The following POT1 variants were observed in gnomAD, a reference collection of about 807,000 sequenced individuals.
The protein encoded by POT1 is protection of telomeres protein 1.
A neutral mutation model predicts 78.5 loss-of-function variants in POT1; 47 were observed. The ratio of observed to expected loss-of-function variants is 0.60; its 90% CI spans 0.47 to 0.76. POT1 has a LOEUF of 0.76. Ranked by LOEUF, POT1 falls within the 30% of genes least tolerant of loss-of-function variation. The probability of loss-of-function intolerance (pLI) is 0.00; values close to 1 mark genes in which losing one functional copy is unlikely to be tolerated. For missense variants in POT1, 646 were observed against 749.9 expected, an observed-to-expected ratio of 0.86 and a Z score of 1.62; for synonymous variants, 259 against 260.7, an observed-to-expected ratio of 0.99 and a Z score of 0.06.
At chr7:124,833,304 G>C (rs1264456765) in intron 15 of POT1, among the ~76,000 whole-genome samples, 1 of 152,102 alleles carries the variant, frequency 6.6e-6, no homozygotes, top group Non-Finnish European at 1.5e-5. Flanking sequence ...CACACAATTA[G>C]GGAGGTATCA....
chr7:124,839,472 T>A (rs1193407156), intron 14 of POT1, among the ~76,000 whole-genome samples: 1 of 152,236 alleles, frequency 6.6e-6, no homozygotes, highest in Admixed American at 6.5e-5. Context: ...AGTCTAAGAA[T>A]GACTTTGTAT....
intron 2 of POT1, among the ~76,000 whole-genome samples, chr7:124,926,443 T>C (rs947004302): frequency 6.6e-6 from 1 of 152,052 alleles, no homozygotes; most frequent in Non-Finnish European, 1.5e-5. Context: ...AAACAGACAT[T>C]GGGGTGCAAA....
At chr7:124,837,433 T>G (rs1794925354) in intron 14 of POT1, among the ~76,000 whole-genome samples, 1 of 152,078 alleles carries the variant, frequency 6.6e-6, no homozygotes, top group African/African-American at 2.4e-5. Context: ...TAATAATAAA[T>G]AAATATTATA....
chr7:124,855,218 C>CAAAAAAAA (rs550056711), intron 9 of POT1, among the ~76,000 whole-genome samples: 1 of 52,492 alleles, frequency 1.9e-5, no homozygotes, highest in Non-Finnish European at 3.4e-5. Context: ...GAGAGGAGAG[C>CAAAAAAAA]AAAAAAAAAA....
intron 11 of POT1, among the ~76,000 whole-genome samples, chr7:124,850,706 T>C (rs1047493714): frequency 6.6e-6 from 1 of 151,666 alleles, no homozygotes; most frequent in Non-Finnish European, 1.5e-5. Flanking sequence ...CACTCCAGCC[T>C]GGGAGACAGA....
At chr7:124,911,122 T>C (rs139568419) in intron 3 of POT1, among the ~76,000 whole-genome samples, 1 of 152,228 alleles carries the variant, frequency 6.6e-6, no homozygotes, top group East Asian at 1.9e-4. Context: ...CTTAATAATT[T>C]AGAAATGTCA....
chr7:124,829,395 T>C (rs1794707643), intron 15 of POT1, 53 bp from the exon 16 acceptor site: 3 of 1,193,394 alleles, frequency 2.5e-6, no homozygotes, highest in African/African-American at 3.1e-5. Context: ...TTTAGCTTGT[T>C]TGTTATAACT....
At chr7:124,917,564 G>A (rs1407877247) in intron 2 of POT1, among the ~76,000 whole-genome samples, 2 of 152,088 alleles carry the variant, frequency 1.3e-5, no homozygotes, top group African/African-American at 2.4e-5. Flanking sequence ...TCCACAAGAC[G>A]TACAGCTTTG....
At chr7:124,922,049 A>T (rs1413410201) in intron 2 of POT1, among the ~76,000 whole-genome samples, 1 of 152,078 alleles carries the variant, frequency 6.6e-6, no homozygotes, top group Non-Finnish European at 1.5e-5. Context: ...AGGAAAAAAA[A>T]TGCAAATCAC....
intron 18 of POT1, among the ~76,000 whole-genome samples, chr7:124,824,923 T>C (rs1027870984): frequency 7.9e-5 from 12 of 152,156 alleles, no homozygotes; most frequent in African/African-American, 2.9e-4. Context: ...TTACAGAAAA[T>C]GTTTACTGCC....
intron 6 of POT1, among the ~76,000 whole-genome samples, chr7:124,873,001 G>A (rs1795907257): frequency 6.6e-6 from 1 of 152,074 alleles, no homozygotes; most frequent in African/African-American, 2.4e-5. Context: ...TGTCTATTCA[G>A]GTCCTTTGCC....
intron 3 of POT1, among the ~76,000 whole-genome samples, chr7:124,899,742 A>G (rs1584512267): frequency 4.1e-5 from 1 of 24,280 alleles, no homozygotes; most frequent in Non-Finnish European, 9.5e-5. Flanking sequence ...ATCCAAGTAG[A>G]AAAAAAAACC....
chr7:124,849,103 C>T (rs1045976494), intron 11 of POT1, among the ~76,000 whole-genome samples: 22 of 151,992 alleles, frequency 1.4e-4, no homozygotes, highest in African/African-American at 5.1e-4. Context: ...CAAACATATC[C>T]TCAATATTGC....
intron 14 of POT1, among the ~76,000 whole-genome samples, chr7:124,835,977 T>C (rs1354440889): frequency 1.3e-5 from 2 of 152,196 alleles, no homozygotes; most frequent in East Asian, 3.8e-4. Flanking sequence ...ATGGCATCCA[T>C]TATTAGAAGG....
intron 6 of POT1, among the ~76,000 whole-genome samples, chr7:124,871,287 TTGTC>T (rs1795861860): frequency 6.6e-6 from 1 of 152,024 alleles, no homozygotes; most frequent in African/African-American, 2.4e-5. Context: ...TCAGTGTAAA[TTGTC>T]TGGAGAGAAA....
intron 8 of POT1, among the ~76,000 whole-genome samples, chr7:124,861,305 C>A (rs1313414789): frequency 6.6e-6 from 1 of 152,086 alleles, no homozygotes; most frequent in African/African-American, 2.4e-5. Flanking sequence ...TTCTAACTGG[C>A]GTGAGATGGT....
At chr7:124,916,602 G>A (rs534503641) in intron 2 of POT1, among the ~76,000 whole-genome samples, 19 of 151,968 alleles carry the variant, frequency 1.3e-4, no homozygotes, top group Non-Finnish European at 2.5e-4. Context: ...CCTGAAATGA[G>A]AAAAAAATAG....
At chr7:124,856,514 A>G (rs1398804425) in intron 9 of POT1, among the ~76,000 whole-genome samples, 6 of 152,224 alleles carry the variant, frequency 3.9e-5, no homozygotes, top group African/African-American at 1.4e-4. Context: ...AAAAAAGGAG[A>G]AAAGAATCTG....
chr7:124,898,164 A>AG (rs1277919413), intron 4 of POT1, 97 bp downstream of exon 4: 2 of 152,008 alleles, frequency 1.3e-5, no homozygotes, highest in African/African-American at 4.8e-5. Context: ...AGTCAGACCA[A>AG]GTAGTTTATC....
Sources: gnomAD v4.1 joint callset for allele counts (sites outside exome capture counted in the v4.1 genomes callset) on GRCh38, gnomAD v4.1.1 for gene constraint, MANE v1.5 for transcripts, NCBI Gene and HGNC (gene_info 2026-07-23, HGNC 2026-07-21) for gene names.